IMMP2L: variants seen among roughly 807,000 people sequenced by gnomAD.
The protein encoded by IMMP2L is mitochondrial inner membrane protease subunit 2.
In IMMP2L, 18 loss-of-function variants were observed where a neutral mutation model predicts 19.3. That is an observed-to-expected ratio of 0.93 (90% confidence interval 0.64 to 1.38). The LOEUF (loss-of-function observed/expected upper bound fraction) is 1.38, where lower values mean the gene tolerates loss of function less well. Ranked by LOEUF, IMMP2L falls within the 40% of genes most tolerant of loss-of-function variation. The probability of loss-of-function intolerance (pLI) is 0.00; values close to 1 mark genes in which losing one functional copy is unlikely to be tolerated. For synonymous variants in IMMP2L, 76 were observed against 73.0 expected, an observed-to-expected ratio of 1.04 and a Z score of -0.21; for missense variants, 233 against 218.2, an observed-to-expected ratio of 1.07 and a Z score of -0.43.
intron 3 of IMMP2L, among the ~76,000 whole-genome samples, chr7:111,262,425 G>A (rs904704476): frequency 7.2e-5 from 11 of 152,000 alleles, no homozygotes; most frequent in African/African-American, 2.4e-4. Flanking sequence ...ATAGAGAAGA[G>A]CAAGTACAGA....
intron 3 of IMMP2L, among the ~76,000 whole-genome samples, chr7:111,044,837 A>G (rs1792236953): frequency 6.6e-6 from 1 of 152,200 alleles, no homozygotes; most frequent in Admixed American, 6.5e-5. Flanking sequence ...TAAAGTTTAC[A>G]TATATAGACA....
intron 2 of IMMP2L, among the ~76,000 whole-genome samples, chr7:111,501,666 A>T (rs1275796304): frequency 2.0e-5 from 3 of 152,184 alleles, no homozygotes; most frequent in East Asian, 3.8e-4. Context: ...GGGGGCCAAT[A>T]TTCAACATTC....
rs530864503 is a variant in IMMP2L at position 111,213,338 on chromosome 7, C to A, written c.240-249773G>T. 6.6e-6 allele frequency among the ~76,000 whole-genome samples: 1 copy of A among 152,288 alleles called. No individual in the cohort carries two copies. The highest frequency in any genetic ancestry group is 1.5e-5 in the Non-Finnish European group (1 of 68,018). On this transcript the variant is annotated intron_variant, in intron 3 of 5. Transcript: ENST00000405709. The surrounding 1 kb of genome is among the most constrained non-coding windows in gnomAD (Gnocchi z 4.8). ...GGTGCCAATGAGCATGGGAGGGAGGCTGAGTGGGGCCTGAAGGCAGCTTGG... is the reference window on the plus strand; with the variant it reads ...GGTGCCAATGAGCATGGGAGGGAGGATGAGTGGGGCCTGAAGGCAGCTTGG...
intron 3 of IMMP2L, among the ~76,000 whole-genome samples, chr7:111,043,643 A>T (rs1394290396): frequency 6.6e-6 from 1 of 152,246 alleles, no homozygotes; most frequent in Non-Finnish European, 1.5e-5. Flanking sequence ...ATACTGGAAA[A>T]TGCAAATATC....
chr7:110,973,770 G>T (rs1820402040), intron 3 of IMMP2L, among the ~76,000 whole-genome samples: 1 of 152,000 alleles, frequency 6.6e-6, no homozygotes, highest in African/African-American at 2.4e-5. Flanking sequence ...CAGAGCATCG[G>T]TCCCCTAATT....
chr7:111,295,003 G>A (rs1158114051), intron 3 of IMMP2L, among the ~76,000 whole-genome samples: 3 of 151,694 alleles, frequency 2.0e-5, no homozygotes, highest in Admixed American at 2.0e-4. Context: ...CAGCCCTTAT[G>A]ACTTGAAACA....
intron 5 of IMMP2L, among the ~76,000 whole-genome samples, chr7:110,716,619 A>C (rs1183239967): frequency 6.6e-6 from 1 of 152,166 alleles, no homozygotes; most frequent in Non-Finnish European, 1.5e-5. Context: ...GAATGCTGAA[A>C]ATAGGCACCT....
At chr7:111,052,113 C>T (rs1340069361) in intron 3 of IMMP2L, among the ~76,000 whole-genome samples, 1 of 152,206 alleles carries the variant, frequency 6.6e-6, no homozygotes, top group African/African-American at 2.4e-5. Flanking sequence ...GGAAAGATGG[C>T]AGGCCCTGAA....
Position 111,120,775 on chromosome 7 carries a change from G to A in IMMP2L, c.240-157210C>T, listed in dbSNP as rs1800500930. On this transcript the variant is annotated intron_variant, in intron 3 of 5. Coordinates refer to ENST00000405709, the MANE Select transcript of IMMP2L (RefSeq NM_032549.4). ...TATGGAGAGAAGTATGAATGAAAATGGGAAACAGCTAATACCACTACATCT... is the reference window on the plus strand; with the variant it reads ...TATGGAGAGAAGTATGAATGAAAATAGGAAACAGCTAATACCACTACATCT... Among the ~76,000 whole-genome samples, 6 of 152,032 alleles carry A rather than the reference G, an allele frequency of 3.9e-5. No individual in the cohort carries two copies. The South Asian group carries it at 1.2e-3, about 32-fold the overall frequency.
At chr7:111,523,566 G>A (rs1445898009) in intron 1 of IMMP2L, among the ~76,000 whole-genome samples, 2 of 152,058 alleles carry the variant, frequency 1.3e-5, no homozygotes, top group African/African-American at 4.8e-5. Context: ...TGCAAGGTAA[G>A]TAAGACCAGT....
chr7:111,095,778 C>T (rs1353823586), intron 3 of IMMP2L, among the ~76,000 whole-genome samples: 1 of 151,928 alleles, frequency 6.6e-6, no homozygotes, highest in Non-Finnish European at 1.5e-5. Context: ...ATTTAAGGCA[C>T]TTAACATGTG....
chr7:111,338,776 G>T (rs888225757), intron 3 of IMMP2L, among the ~76,000 whole-genome samples: 1 of 152,038 alleles, frequency 6.6e-6, no homozygotes, highest in African/African-American at 2.4e-5. Context: ...TAATGAGAAA[G>T]AACTAGCAAT....
At chr7:111,316,890 G>A (rs575838737) in intron 3 of IMMP2L, among the ~76,000 whole-genome samples, 51 of 116,740 alleles carry the variant, frequency 4.4e-4, no homozygotes, top group African/African-American at 1.5e-3. Flanking sequence ...TCGCTATGTC[G>A]CCAGACTGGA....
At chr7:110,964,217 T>C (rs1163406039) in intron 3 of IMMP2L, among the ~76,000 whole-genome samples, 2 of 152,052 alleles carry the variant, frequency 1.3e-5, no homozygotes, top group East Asian at 1.9e-4. Context: ...AGGTAGTATC[T>C]TTATAGCAGT....
rs1162744311 is a variant in IMMP2L at position 110,803,567 on chromosome 7, A to T, written c.408+83026T>A. Reference sequence around the variant, plus strand: ...AGTTGACACCACTAGGAGGTCTACCACTGAAAGGGGCTGGAAGAATGTCTT... The same window carrying T: ...AGTTGACACCACTAGGAGGTCTACCTCTGAAAGGGGCTGGAAGAATGTCTT... On this transcript the variant is annotated intron_variant, in intron 5 of 5. Coordinates refer to ENST00000405709, the MANE Select transcript of IMMP2L (RefSeq NM_032549.4). The surrounding 1 kb of genome is among the most constrained non-coding windows in gnomAD (Gnocchi z 4.2). 6.6e-6 allele frequency among the ~76,000 whole-genome samples: 1 copy of T among 152,088 alleles called. No homozygotes were observed. The highest frequency in any genetic ancestry group is 1.5e-5 in the Non-Finnish European group (1 of 68,004).
chr7:111,214,328 C>CTTTTTTTTTTTTTTTTTTTT lies in IMMP2L; in HGVS notation c.240-250764_240-250763insAAAAAAAAAAAAAAAAAAAA, dbSNP rs1484229556. Among the ~76,000 whole-genome samples, 6 of 85,108 alleles carry CTTTTTTTTTTTTTTTTTTTT rather than the reference C, an allele frequency of 7.0e-5. 1 individual carries two copies. The highest frequency in any genetic ancestry group is 6.8e-5 in the Non-Finnish European group (3 of 44,320). The allele number at this position is 85,108 out of a possible 152,430, so 55.8% of individuals were successfully genotyped here. ...GTGAATGAATGACAAAGTAATTTTT[C>CTTTTTTTTTTTTTTTTTTTT]TTCTTTTTTTTTTTTTTTTTTTTTT... On this transcript the variant is annotated intron_variant, in intron 3 of 5. Coordinates refer to ENST00000405709, the MANE Select transcript of IMMP2L (RefSeq NM_032549.4).
chr7:110,845,481 C>T (rs181054832), intron 5 of IMMP2L, among the ~76,000 whole-genome samples: 14 of 151,996 alleles, frequency 9.2e-5, no homozygotes, highest in South Asian at 2.1e-4. Context: ...CTTAAGGGCC[C>T]GGGGTAAAAT....
chr7:110,974,895 T>C (rs1820531886), intron 3 of IMMP2L, among the ~76,000 whole-genome samples: 1 of 152,286 alleles, frequency 6.6e-6, no homozygotes, highest in African/African-American at 2.4e-5. Flanking sequence ...GTGTTATACG[T>C]AGGAGAAAAA....
At chr7:110,751,097 A>G (rs918143086) in intron 5 of IMMP2L, among the ~76,000 whole-genome samples, 1 of 151,920 alleles carries the variant, frequency 6.6e-6, no homozygotes, top group African/African-American at 2.4e-5. Context: ...TCCTTAACGA[A>G]TACTCTCTTG....
Sources: gnomAD v4.1 joint callset for allele counts (sites outside exome capture counted in the v4.1 genomes callset) on GRCh38, gnomAD v4.1.1 for gene constraint, Gnocchi (gnomAD v3.1) non-coding constraint, MANE v1.5 for transcripts, NCBI Gene and HGNC (gene_info 2026-07-23, HGNC 2026-07-21) for gene names.